Variants in PSTPIP2 observed in about 807,000 individuals in gnomAD.
The protein encoded by PSTPIP2 is proline-serine-threonine phosphatase-interacting protein 2.
Under a neutral mutation model 63.3 loss-of-function variants are expected in PSTPIP2, and 33 were observed. That is an observed-to-expected ratio of 0.52 (90% CI 0.40 to 0.70). The LOEUF is 0.70. PSTPIP2 is among the 30% of genes least tolerant of loss of function. PSTPIP2 has a pLI of 0.00. For missense variants in PSTPIP2, 312 were observed against 400.7 expected, an observed-to-expected ratio of 0.78 and a Z score of 1.89; for synonymous variants, 125 against 132.7, an observed-to-expected ratio of 0.94 and a Z score of 0.40.
chr18:45,988,393 C>T (rs1484558733), intron 14 of PSTPIP2, among the ~76,000 whole-genome samples: 1 of 149,610 alleles, frequency 6.7e-6, no homozygotes, highest in Non-Finnish European at 1.5e-5. Flanking sequence ...TGAGATCGCA[C>T]CACTGCACTC....
intron 10 of PSTPIP2, 30 bp downstream of exon 10, chr18:45,993,575 G>T (rs536606800): frequency 6.3e-7 from 1 of 1,576,976 alleles, no homozygotes; most frequent in South Asian, 1.1e-5. Flanking sequence ...ACATGCACAC[G>T]ACAATCCTCA....
At chr18:46,010,923 A>C in intron 5 of PSTPIP2, 1 of 401,536 alleles carries the variant, frequency 2.5e-6, no homozygotes, top group Admixed American at 3.8e-5. Context: ...CATAGTCTGA[A>C]TAGCGGCAGC....
At chr18:46,004,960 A>T (rs1038107550) in intron 6 of PSTPIP2, among the ~76,000 whole-genome samples, 4 of 152,222 alleles carry the variant, frequency 2.6e-5, no homozygotes, top group Non-Finnish European at 5.9e-5. Flanking sequence ...GAATCAACCT[A>T]AATGCCAATC....
At chr18:46,029,662 T>A in intron 2 of PSTPIP2, 1 of 728,310 alleles carries the variant, frequency 1.4e-6, no homozygotes, top group Non-Finnish European at 2.5e-6. Context: ...TACAGAAATA[T>A]TGGCAATTGC....
intron 3 of PSTPIP2, 60 bp downstream of exon 3, chr18:46,024,549 C>G: frequency 7.0e-7 from 1 of 1,421,890 alleles, no homozygotes; most frequent in Non-Finnish European, 9.9e-7. Context: ...TCTGCTGAAG[C>G]GAGGGAGCTC....
At chr18:45,985,528 C>A in intron 14 of PSTPIP2, 78 bp from the exon 15 acceptor site, 1 of 1,492,946 alleles carries the variant, frequency 6.7e-7, no homozygotes, top group South Asian at 1.2e-5. Context: ...AGAGTATATT[C>A]AACAAGAATA....
intron 1 of PSTPIP2, among the ~76,000 whole-genome samples, chr18:46,043,719 T>C (rs1445389645): frequency 6.6e-6 from 1 of 152,204 alleles, no homozygotes; most frequent in Non-Finnish European, 1.5e-5. Context: ...CTGCCTTATT[T>C]GTAGACAACA....
chr18:46,037,092 G>T (rs2144108327), intron 2 of PSTPIP2, among the ~76,000 whole-genome samples: 1 of 152,252 alleles, frequency 6.6e-6, no homozygotes, highest in East Asian at 1.9e-4. Flanking sequence ...GTGTGTGTTT[G>T]CCTCTTGTCT....
chr18:46,063,280 T>C (rs1327488732), intron 1 of PSTPIP2, among the ~76,000 whole-genome samples: 1 of 152,118 alleles, frequency 6.6e-6, no homozygotes, highest in East Asian at 1.9e-4. Context: ...ACTAGGATTA[T>C]AGGCATGAGC....
intron 14 of PSTPIP2, 124 bp from the exon 15 acceptor site, chr18:45,985,574 G>T (rs2051458572): frequency 1.1e-6 from 1 of 885,428 alleles, no homozygotes; most frequent in Non-Finnish European, 1.7e-6. Flanking sequence ...GGTGAGGAAT[G>T]GGTATTCCAA....
intron 1 of PSTPIP2, among the ~76,000 whole-genome samples, chr18:46,047,578 C>T (rs1003457088): frequency 6.6e-6 from 1 of 151,804 alleles, no homozygotes; most frequent in Non-Finnish European, 1.5e-5. Flanking sequence ...GACAACAGAG[C>T]GAGAATGTGC....
In PSTPIP2 at chr18:46,010,149, C is replaced by T. The variant is rs184660504; in HGVS notation, c.354+1032G>A. ...GCTGCCCACCATAGAGGCCAGTGGC[C>T]GCCAGGGAAGCTGGACCTAGACTCC... On this transcript the variant is annotated intron_variant, in intron 5 of 14. Transcript: ENST00000409746. 9.5e-4 allele frequency among the ~76,000 whole-genome samples: 144 copies of T among 152,256 alleles called. 1 individual carries two copies. The East Asian group carries it at 9.9e-3, about 10-fold the overall frequency.
At chr18:46,029,844 G>T in intron 2 of PSTPIP2, 1 of 407,994 alleles carries the variant, frequency 2.5e-6, no homozygotes, top group African/African-American at 2.1e-5. Context: ...GCTGGGCGCG[G>T]TGGCTCACAC....
intron 6 of PSTPIP2, among the ~76,000 whole-genome samples, chr18:46,004,746 T>C (rs993303852): frequency 1.3e-5 from 2 of 152,150 alleles, no homozygotes; most frequent in African/African-American, 4.8e-5. Context: ...AGAAAAACCT[T>C]ATACACTGTT....
chr18:46,016,742 C>G (rs2051856075), intron 3 of PSTPIP2, among the ~76,000 whole-genome samples: 1 of 152,184 alleles, frequency 6.6e-6, no homozygotes, highest in African/African-American at 2.4e-5. Context: ...AGGCTGCAAT[C>G]AAGGTATTGC....
intron 2 of PSTPIP2, among the ~76,000 whole-genome samples, chr18:46,035,083 A>C (rs899320031): frequency 2.6e-5 from 4 of 152,130 alleles, no homozygotes; most frequent in Admixed American, 2.6e-4. Context: ...ATTGTTAACC[A>C]GCTGAAAGAC....
intron 3 of PSTPIP2, among the ~76,000 whole-genome samples, chr18:46,022,063 C>T (rs1038251335): frequency 2.0e-5 from 3 of 151,708 alleles, no homozygotes; most frequent in Admixed American, 6.6e-5. Flanking sequence ...TTATTATGTT[C>T]GTTTTTTTAC....
chr18:46,029,593 C>T, intron 2 of PSTPIP2: 1 of 773,096 alleles, frequency 1.3e-6, no homozygotes, highest in Non-Finnish European at 2.4e-6. Flanking sequence ...AAACCCAAAG[C>T]CAATGAAAGC....
intron 1 of PSTPIP2, among the ~76,000 whole-genome samples, chr18:46,057,236 C>G (rs939716197): frequency 2.0e-5 from 3 of 152,194 alleles, no homozygotes; most frequent in African/African-American, 7.2e-5. Context: ...ACAGGGGCCT[C>G]CCTCAGAGAA....
Sources: gnomAD v4.1 joint callset for allele counts (sites outside exome capture counted in the v4.1 genomes callset) on GRCh38, gnomAD v4.1.1 for gene constraint, MANE v1.5 for transcripts, NCBI Gene and HGNC (gene_info 2026-07-23, HGNC 2026-07-21) for gene names.